Variants in TFDP1 observed in about 807,000 individuals in gnomAD.
TFDP1 encodes DRTF1-polypeptide 1.
TFDP1 carries 6 observed loss-of-function variants against 48.0 expected under a neutral mutation model. That is an observed-to-expected ratio of 0.13 (90% CI 0.07 to 0.25). TFDP1 has a LOEUF of 0.25. TFDP1 is among the 10% of genes least tolerant of loss of function. The pLI, the probability that TFDP1 is intolerant of heterozygous loss-of-function variation, is 1.00. For missense variants in TFDP1, 335 were observed against 543.0 expected (o/e 0.62, Z 3.81); for synonymous variants, 201 against 211.6 (o/e 0.95, Z 0.44).
Position 113,640,412 on chromosome 13 carries a change from C to A in TFDP1, c.*145C>A. The A allele has an allele frequency of 6.6e-6, 9 of 1,358,914 alleles. No individual in the cohort carries two copies. Among genetic ancestry groups the A allele is most frequent in the Non-Finnish European group, 8.8e-6 (9 of 1,019,426 alleles). The allele number at this position is 1,358,914 out of a possible 1,614,324, so 84.2% of individuals were successfully genotyped here. A position where few individuals can be genotyped will look rare whatever the true frequency, so the allele number is the denominator to read the frequency against. On this transcript the variant is annotated 3_prime_UTR_variant, in exon 12 of 12. Coordinates refer to ENST00000375370, the MANE Select transcript of TFDP1 (RefSeq NM_007111.5). ...AATTTAGATATGCACCTCTGATAAG[C>A]AAGGATTGTTTCCCGTAGGATTAGG...
At chr13:113,609,802 C>T (rs528237380) in intron 2 of TFDP1, among the ~76,000 whole-genome samples, 1 of 152,124 alleles carries the variant, frequency 6.6e-6, no homozygotes, top group Non-Finnish European at 1.5e-5. Flanking sequence ...ATCGCTGCCC[C>T]CCAGCCCCAC....
At chr13:113,613,774 A>G (rs1350817662) in intron 3 of TFDP1, among the ~76,000 whole-genome samples, 1 of 149,946 alleles carries the variant, frequency 6.7e-6, no homozygotes, top group Non-Finnish European at 1.5e-5. Flanking sequence ...GTGTGTGAGG[A>G]GTGCTTATCA....
intron 4 of TFDP1, among the ~76,000 whole-genome samples, chr13:113,631,358 G>A (rs1359747526): frequency 6.6e-6 from 1 of 152,152 alleles, no homozygotes; most frequent in Non-Finnish European, 1.5e-5. Context: ...TGCTTGGGTC[G>A]TCCGAAGTTT....
chr13:113,592,400 G>T (rs1043258266), intron 2 of TFDP1, among the ~76,000 whole-genome samples: 1 of 152,192 alleles, frequency 6.6e-6, no homozygotes, highest in African/African-American at 2.4e-5. Context: ...CAGGTGATCC[G>T]CCCGCCTTGG....
Position 113,595,741 on chromosome 13 carries a change from C to T in TFDP1, c.12+9892C>T, listed in dbSNP as rs536766732. Among the ~76,000 whole-genome samples, 31 of 152,338 alleles carry T rather than the reference C, an allele frequency of 2.0e-4. No individual in the cohort carries two copies. In the South Asian group the frequency reaches 3.1e-3, roughly 15 times the overall value. On this transcript the variant is annotated intron_variant, in intron 2 of 11. Coordinates refer to ENST00000375370, the MANE Select transcript of TFDP1 (RefSeq NM_007111.5). ...CTTTCAGCACAGTGTGAGGTATAGC[C>T]GTCAGGCTTTTTAGCTGCTGTGTAG...
intron 2 of TFDP1, among the ~76,000 whole-genome samples, chr13:113,600,536 G>A (rs568087708): frequency 2.9e-5 from 4 of 138,254 alleles, no homozygotes; most frequent in East Asian, 2.3e-4. Context: ...GAACCCTCAC[G>A]TGGGGATCCA....
chr13:113,634,750 G>T, intron 8 of TFDP1, 148 bp downstream of exon 8: 1 of 650,038 alleles, frequency 1.5e-6, no homozygotes, highest in Non-Finnish European at 2.7e-6. Flanking sequence ...TCTCATAGGT[G>T]TTGAACGTGG....
Position 113,584,799 on chromosome 13 carries a change from C to T in TFDP1, c.-154C>T, listed in dbSNP as rs2047952651. The T allele has an allele frequency of 6.8e-6, 1 of 146,232 alleles. No individual in the cohort carries two copies. The highest frequency in any genetic ancestry group is 2.5e-5 in the African/African-American group (1 of 40,758). The allele number at this position is 146,232 out of a possible 1,614,324, so 9.1% of individuals were successfully genotyped here. A position where few individuals can be genotyped will look rare whatever the true frequency, so the allele number is the denominator to read the frequency against. On this transcript the variant is annotated 5_prime_UTR_variant, in exon 1 of 12. Transcript: ENST00000375370. ...CCGCCACGGCCGGGACCGCCCGGCC[C>T]GGCCCCAGCCCGCGCCTCTCCGCGC...
Position 113,638,536 on chromosome 13 carries a change from G to A in TFDP1, c.1085+640G>A, listed in dbSNP as rs925802077. Among the ~76,000 whole-genome samples, 17 of 152,244 alleles carry A rather than the reference G, an allele frequency of 1.1e-4. No homozygotes were observed. The South Asian group carries it at 3.3e-3, about 30-fold the overall frequency. On this transcript the variant is annotated intron_variant, in intron 11 of 11. Coordinates refer to ENST00000375370, the MANE Select transcript of TFDP1 (RefSeq NM_007111.5). ...ATGGTACACGTATTTTTCAGAACGC[G>A]TCTGCAATCACAGCGCACGTATTTT...
Position 113,640,333 on chromosome 13 carries a change from T to A in TFDP1, c.*66T>A. The A allele has an allele frequency of 6.5e-7, 1 of 1,536,466 alleles. No homozygotes were observed. Among genetic ancestry groups the A allele is most frequent in the Non-Finnish European group, 8.7e-7 (1 of 1,145,256 alleles). On this transcript the variant is annotated 3_prime_UTR_variant, in exon 12 of 12. Coordinates refer to ENST00000375370, the MANE Select transcript of TFDP1 (RefSeq NM_007111.5). ...GCGAAAAGAAACTTTTTTTTTAATGTGGGTTTTCTGTTTCCTTTTGGCCTA... is the reference window on the plus strand; with the variant it reads ...GCGAAAAGAAACTTTTTTTTTAATGAGGGTTTTCTGTTTCCTTTTGGCCTA...
At chr13:113,619,078 T>C (rs560450946) in intron 3 of TFDP1, among the ~76,000 whole-genome samples, 140 of 152,358 alleles carry the variant, frequency 9.2e-4, no homozygotes, top group African/African-American at 3.2e-3. Context: ...TATGTCTCTA[T>C]GAAACTTGAA....
At chr13:113,595,999 G>A (rs191332901) in intron 2 of TFDP1, among the ~76,000 whole-genome samples, 3,695 of 152,288 alleles carry the variant, frequency 0.024, 65 homozygotes, top group Middle Eastern at 0.062. Context: ...GGAGAATGGT[G>A]TGAACCCAGG....
chr13:113,595,814 G>A (rs1011946886), intron 2 of TFDP1, among the ~76,000 whole-genome samples: 2 of 152,232 alleles, frequency 1.3e-5, no homozygotes, highest in Non-Finnish European at 2.9e-5. Flanking sequence ...CGGGTGCGGT[G>A]GCTCACGCCT....
At chr13:113,637,336 C>A in intron 10 of TFDP1, 2 of 292,866 alleles carry the variant, frequency 6.8e-6, no homozygotes, top group South Asian at 6.2e-5. Context: ...TCAGAGATTC[C>A]TCCCTGAGCT....
chr13:113,597,770 G>A (rs1286070861), intron 2 of TFDP1, among the ~76,000 whole-genome samples: 2 of 152,264 alleles, frequency 1.3e-5, no homozygotes, highest in African/African-American at 4.8e-5. Context: ...GAGCTGGAGG[G>A]ACGGCCATTG....
intron 8 of TFDP1, among the ~76,000 whole-genome samples, 193 bp downstream of exon 8, chr13:113,634,795 GTGCATGCATGTGTGTGTGCGTGCA>G (rs1438294303): frequency 4.5e-3 from 137 of 30,260 alleles, no homozygotes; most frequent in African/African-American, 0.017. Context: ...GCACGTGCGT[GTGCATGCATGTGTGTGTGCGTGCA>G]TGCATGCATG....
intron 4 of TFDP1, among the ~76,000 whole-genome samples, chr13:113,628,075 GTGTC>G (rs2049230992): frequency 6.6e-6 from 1 of 151,994 alleles, no homozygotes; most frequent in South Asian, 2.1e-4. Flanking sequence ...TCGAAAGACT[GTGTC>G]TGAAGCCGTG....
intron 4 of TFDP1, 123 bp from the exon 5 acceptor site, chr13:113,631,500 C>A: frequency 1.5e-6 from 2 of 1,296,962 alleles, no homozygotes; most frequent in Non-Finnish European, 2.0e-6. Flanking sequence ...CCTGCTCCGT[C>A]ATGGCTGCTC....
At chr13:113,599,682 G>A (rs762682901) in intron 2 of TFDP1, among the ~76,000 whole-genome samples, 3 of 152,214 alleles carry the variant, frequency 2.0e-5, no homozygotes, top group Admixed American at 6.5e-5. Flanking sequence ...CCCACCTTGC[G>A]AGGCCCAAGG....
Sources: allele counts gnomAD v4.1 joint callset (sites outside exome capture counted in the v4.1 genomes callset), GRCh38; gene constraint gnomAD v4.1.1; transcripts MANE v1.5; gene names NCBI Gene and HGNC (gene_info 2026-07-23, HGNC 2026-07-21).